RCC1: variants seen among roughly 807,000 people sequenced by gnomAD.
The protein encoded by RCC1 is regulator of chromosome condensation 1, also known as regulator of chromosome condensation.
Under a neutral mutation model 44.4 loss-of-function variants are expected in RCC1, and 11 were observed. That is an observed-to-expected ratio of 0.25 (90% CI 0.16 to 0.41). The LOEUF is 0.41. RCC1 is among the 10% of genes least tolerant of loss of function. RCC1 has a pLI of 1.00. For synonymous variants in RCC1, 213 were observed against 216.5 expected (o/e 0.98, Z 0.14); for missense variants, 386 against 547.1 (o/e 0.71, Z 2.94).
chr1:28,515,892 C>T (rs779757581), intron 3 of RCC1, among the ~76,000 whole-genome samples: 5 of 151,668 alleles, frequency 3.3e-5, no homozygotes, highest in Admixed American at 6.6e-5. Context: ...ACTAAAAATA[C>T]ACAAAATGGC....
At chr1:28,526,545 A>G in intron 4 of RCC1, 1 of 578,732 alleles carries the variant, frequency 1.7e-6, no homozygotes, top group South Asian at 1.9e-5. Flanking sequence ...CACATCGTGA[A>G]ATTCCTTAGC....
chr1:28,535,244 C>T lies in RCC1; in HGVS notation c.539-14C>T. ...TACAGTTGTGGCCTGCATCCCTTAC[C>T]TTTTCATCCTTAGGAAACGACCACT... is the stretch of plus-strand genomic sequence containing the variant. On this transcript the variant is annotated splice_polypyrimidine_tract_variant and intron_variant, in intron 8 of 12. Coordinates refer to ENST00000683442, the MANE Select transcript of RCC1 (RefSeq NM_001381865.2). 6.2e-7 allele frequency: 1 copy of T among 1,614,196 alleles called. No individual in the cohort carries two copies. Among genetic ancestry groups the T allele is most frequent in the Non-Finnish European group, 8.5e-7 (1 of 1,180,020 alleles).
intron 3 of RCC1, among the ~76,000 whole-genome samples, chr1:28,514,340 C>A (rs1205877041): frequency 6.6e-6 from 1 of 151,620 alleles, no homozygotes; most frequent in Non-Finnish European, 1.5e-5. Flanking sequence ...GTCCCAGCTA[C>A]TAGGGAGGCT....
rs1664591350 is a variant in RCC1, at chr1:28,536,917, C to T, written c.1090+18C>T. On this transcript the variant is annotated intron_variant, in intron 12 of 12. Transcript: ENST00000683442. This position sits in a 1 kb window ranked among gnomAD's most constrained non-coding sequence, Gnocchi z 4.9. Reference sequence around the variant, plus strand: ...CAAGGATGGTGAGTGGGGCTGCCTACACTCTGTCTAGTTGGGACCTGGGGG... The same window carrying T: ...CAAGGATGGTGAGTGGGGCTGCCTATACTCTGTCTAGTTGGGACCTGGGGG... 7 of 1,613,566 alleles carry T rather than the reference C, an allele frequency of 4.3e-6. No individual in the cohort carries two copies. The highest frequency in any genetic ancestry group is 1.7e-4 in the Middle Eastern group (1 of 6,048).
intron 7 of RCC1, among the ~76,000 whole-genome samples, chr1:28,534,427 G>A (rs557344953): frequency 3.3e-5 from 5 of 152,152 alleles, no homozygotes; most frequent in South Asian, 4.2e-4. Flanking sequence ...GTGATCGCCC[G>A]CCTTGGCCTC....
chr1:28,535,149 G>A lies in RCC1; in HGVS notation c.538+3G>A. The A allele has an allele frequency of 6.2e-7, 1 of 1,614,010 alleles. No individual in the cohort carries two copies. The highest frequency in any genetic ancestry group is 1.1e-5 in the South Asian group (1 of 91,076). On this transcript the variant is annotated splice_donor_region_variant and intron_variant, in intron 8 of 12. Transcript: ENST00000683442. ...GCCTGTGGTAAAGGTGGCCTCAGGT[G>A]GGTCTGGGGGCACTTGCTCAGGGCA...
intron 7 of RCC1, 150 bp from the exon 8 acceptor site, chr1:28,534,900 G>A (rs1248872766): frequency 9.1e-6 from 6 of 661,778 alleles, no homozygotes; most frequent in Non-Finnish European, 1.7e-5. Flanking sequence ...GCAAGTCGCA[G>A]ACCATAAATG....
At chr1:28,521,817 G>A (rs1663303393) in intron 4 of RCC1, among the ~76,000 whole-genome samples, 2 of 152,204 alleles carry the variant, frequency 1.3e-5, no homozygotes, top group African/African-American at 2.4e-5. Flanking sequence ...AGTGCATAGG[G>A]GATACTGGGG....
At chr1:28,508,349 CAT>C (rs747250735) in intron 2 of RCC1, 189 bp downstream of exon 2, 107 of 354,554 alleles carry the variant, frequency 3.0e-4, no homozygotes, top group Middle Eastern at 8.0e-4. Flanking sequence ...ATAACTTCAA[CAT>C]ATGCTCTGTT....
At chr1:28,511,781 C>G (rs547544548) in intron 3 of RCC1, among the ~76,000 whole-genome samples, 21 of 152,122 alleles carry the variant, frequency 1.4e-4, no homozygotes, top group African/African-American at 4.8e-4. Flanking sequence ...CCACCTCAGC[C>G]TCCCAAGTAG....
chr1:28,535,233 G>A (rs778437799), intron 8 of RCC1, 25 bp from the exon 9 acceptor site: 3 of 1,614,172 alleles, frequency 1.9e-6, no homozygotes, highest in Middle Eastern at 1.6e-4. Flanking sequence ...GTTGTGGCCT[G>A]CATCCCTTAC....
In RCC1 at chr1:28,531,663, T is replaced by C. The variant is rs1291775669; in HGVS notation, c.74-140T>C. 1.0e-5 allele frequency: 6 copies of C among 577,486 alleles called. No homozygotes were observed. In the African/African-American group the frequency reaches 1.1e-4, roughly 11 times the overall value. The allele number at this position is 577,486 out of a possible 1,614,324, so 35.8% of individuals were successfully genotyped here. ...ACTTTTGTTGTCCCCATTTCACAGA[T>C]GACAAAACTTAGAAAGTTCATACTA... On this transcript the variant is annotated intron_variant, in intron 5 of 12. Coordinates refer to ENST00000683442, the MANE Select transcript of RCC1 (RefSeq NM_001381865.2).
At chr1:28,512,196 T>C (rs1570168932) in intron 3 of RCC1, among the ~76,000 whole-genome samples, 1 of 66,980 alleles carries the variant, frequency 1.5e-5, no homozygotes, top group Non-Finnish European at 2.9e-5. Context: ...GCCAGGCTGG[T>C]CTCAAAACTC....
rs1244815836 is a variant in RCC1 at position 28,537,742 on chromosome 1, C to T, written c.1091-90C>T. 7.4e-6 allele frequency: 10 copies of T among 1,347,332 alleles called. No homozygotes were observed. The South Asian group carries it at 1.2e-4, about 16-fold the overall frequency. 83.5% of individuals were successfully genotyped at this position (1,347,332 alleles called of 1,614,324 possible). A position where few individuals can be genotyped will look rare whatever the true frequency, so the allele number is the denominator to read the frequency against. ...GCCAAGCTGCTATTGGCCAAGGCCA[C>T]AGTCCACGCCCATGTCCCAGGTTTC... is the stretch of plus-strand genomic sequence containing the variant. On this transcript the variant is annotated intron_variant, in intron 12 of 12. Coordinates refer to ENST00000683442, the MANE Select transcript of RCC1 (RefSeq NM_001381865.2).
At chr1:28,506,105 G>A (rs1415991409) in intron 1 of RCC1, 21 bp downstream of exon 1, 1 of 455,728 alleles carries the variant, frequency 2.2e-6, no homozygotes, top group Non-Finnish European at 4.4e-6. Flanking sequence ...TCCTTGGTAA[G>A]TGTGATCAGA....
intron 6 of RCC1, 83 bp downstream of exon 6, chr1:28,532,073 A>G: frequency 6.4e-7 from 1 of 1,563,838 alleles, no homozygotes; most frequent in Non-Finnish European, 8.7e-7. Flanking sequence ...ACGCATGTTC[A>G]CTGTGGAAAT....
At chr1:28,510,745 G>A (rs1662472706) in intron 3 of RCC1, 1 of 152,334 alleles carries the variant, frequency 6.6e-6, no homozygotes, top group Non-Finnish European at 1.5e-5. Flanking sequence ...TCCACAACTA[G>A]AAGTGGCACC....
intron 3 of RCC1, chr1:28,509,438 CACCATATTGGCCAGGCTGTTCTCA>C (rs1662327293): frequency 6.4e-6 from 1 of 156,802 alleles, no homozygotes; most frequent in Non-Finnish European, 1.4e-5. Context: ...GATGAGGTTT[CACCATATTGGCCAGGCTGTTCTCA>C]ACTCCTGACC....
At chr1:28,530,600 C>T (rs765062280) in intron 5 of RCC1, 2 of 1,604,508 alleles carry the variant, frequency 1.2e-6, no homozygotes, top group Admixed American at 1.7e-5. Flanking sequence ...CCCTCCTGAC[C>T]AGAAAACCCG....
Sources: allele counts gnomAD v4.1 joint callset (sites outside exome capture counted in the v4.1 genomes callset), GRCh38; gene constraint gnomAD v4.1.1; non-coding constraint Gnocchi (gnomAD v3.1); transcripts MANE v1.5; gene names NCBI Gene and HGNC (gene_info 2026-07-23, HGNC 2026-07-21).